The following RDM1 variants were observed in gnomAD, a reference collection of about 807,000 sequenced individuals.
The protein encoded by RDM1 is RAD52 motif containing 1.
Under a neutral mutation model 27.7 loss-of-function variants are expected in RDM1, and 28 were observed. The ratio of observed to expected loss-of-function variants is 1.01; its 90% CI spans 0.75 to 1.39. The LOEUF (loss-of-function observed/expected upper bound fraction) is 1.39, where lower values mean the gene tolerates loss of function less well. Ranked by LOEUF, RDM1 falls within the 40% of genes most tolerant of loss-of-function variation. RDM1 has a pLI of 0.00. For missense variants in RDM1, 277 were observed against 337.3 expected (o/e 0.82, Z 1.40); for synonymous variants, 124 against 127.5 (o/e 0.97, Z 0.19).
At chr17:35,926,130 CAAAA>C (rs200784841) in intron 2 of RDM1, among the ~76,000 whole-genome samples, 4 of 104,060 alleles carry the variant, frequency 3.8e-5, no homozygotes, top group South Asian at 2.7e-4. Flanking sequence ...GAGACTGTCT[CAAAA>C]AAAAAAAAAA....
At chr17:35,922,130 C>G (rs2141930880) in intron 5 of RDM1, 1 of 153,432 alleles carries the variant, frequency 6.5e-6, no homozygotes, top group East Asian at 1.9e-4. Context: ...ATCGTGTTAG[C>G]CAGGATGGTC....
chr17:35,919,676 C>A (rs78338352), intron 6 of RDM1, among the ~76,000 whole-genome samples: 2,590 of 152,140 alleles, frequency 0.017, 73 homozygotes, highest in African/African-American at 0.058. Context: ...TATTGTTGAC[C>A]GAAACATCAT....
intron 2 of RDM1, among the ~76,000 whole-genome samples, chr17:35,926,792 T>C (rs543496992): frequency 4.5e-4 from 68 of 152,346 alleles, no homozygotes; most frequent in Non-Finnish European, 8.7e-4. Flanking sequence ...CCATAGCTTA[T>C]TCTTTTTTCA....
chr17:35,919,221 C>A (rs571057117), intron 6 of RDM1, among the ~76,000 whole-genome samples: 57 of 151,282 alleles, frequency 3.8e-4, no homozygotes, highest in African/African-American at 1.3e-3. Flanking sequence ...TGAAAAAAAA[C>A]ACTTTTGCTA....
At chr17:35,926,285 A>C (rs1329210258) in intron 2 of RDM1, among the ~76,000 whole-genome samples, 3 of 152,230 alleles carry the variant, frequency 2.0e-5, no homozygotes, top group Admixed American at 2.0e-4. Flanking sequence ...GATTTCTTAC[A>C]TCACAAGTTT....
In RDM1 at chr17:35,920,184, T is replaced by C; in HGVS notation, c.753+3A>G. 6.6e-7 allele frequency: 1 copy of C among 1,509,942 alleles called. No homozygotes were observed. Among genetic ancestry groups the C allele is most frequent in the Non-Finnish European group, 9.2e-7 (1 of 1,092,596 alleles). 93.5% of individuals were successfully genotyped at this position (1,509,942 alleles called of 1,614,324 possible). On this transcript the variant is annotated splice_donor_region_variant and intron_variant, in intron 6 of 6. Coordinates refer to ENST00000620284, the MANE Select transcript of RDM1 (RefSeq NM_145654.4). The stretch of plus-strand genomic sequence containing the variant: ...TTACCCCTGAGTTTTTATCTTCACA[T>C]ACTTGAATTAAACCGTGTAGTTCTT...
chr17:35,927,115 C>CAAAAAAAAAAAA (rs955692533), intron 2 of RDM1, among the ~76,000 whole-genome samples: 1 of 75,474 alleles, frequency 1.3e-5, no homozygotes, highest in Non-Finnish European at 2.6e-5. Flanking sequence ...TTCATTTCAC[C>CAAAAAAAAAAAA]AAAAAAAAAA....
At position 35,920,177 on chromosome 17, in the gene RDM1, C is replaced by T; in HGVS notation, c.753+10G>A. On this transcript the variant is annotated intron_variant, in intron 6 of 6. Transcript: ENST00000620284. ...GGCTATGTTACCCCTGAGTTTTTAT[C>T]TTCACATACTTGAATTAAACCGTGT... 6.9e-7 allele frequency: 1 copy of T among 1,459,630 alleles called. No individual in the cohort carries two copies. The highest frequency in any genetic ancestry group is 9.5e-7 in the Non-Finnish European group (1 of 1,052,002). The allele number at this position is 1,459,630 out of a possible 1,614,324, so 90.4% of individuals were successfully genotyped here.
rs1207322926 is a variant in RDM1, at chr17:35,920,390, G to C, written c.668-118C>G. The stretch of plus-strand genomic sequence containing the variant: ...TGGTTTCTAAAAGCAGAAAATAAGA[G>C]CATTTTCCTGGAAGTTTCCTTATCT... On this transcript the variant is annotated intron_variant, in intron 5 of 6. Transcript: ENST00000620284. The C allele has an allele frequency of 6.8e-6, 3 of 442,424 alleles. No individual in the cohort carries two copies. The Admixed American group carries it at 1.2e-4, about 18-fold the overall frequency. The allele number at this position is 442,424 out of a possible 1,614,324, so 27.4% of individuals were successfully genotyped here.
intron 2 of RDM1, among the ~76,000 whole-genome samples, chr17:35,928,388 GTGA>G (rs2089220969): frequency 6.6e-6 from 1 of 152,272 alleles, no homozygotes; most frequent in South Asian, 2.1e-4. Flanking sequence ...TGATGATGAT[GTGA>G]TGATGATGAT....
At position 35,920,231 on chromosome 17, in the gene RDM1, T is replaced by C; in HGVS notation, c.709A>G (p.Ile237Val). ...TCTTCTTCGCATCTGACACCTACGA[T>C]GTCTTCACTGGGTCTGTACTCCACA... ...IAVEYRPSED[I>V]VGVRCEEELH... The change falls in exon 6 of 7, where the codon ATC (isoleucine) becomes GTC (valine). Residue 237 changes from isoleucine (I) to valine (V), a missense_variant. Physicochemically the swap from Ile to Val is conservative, Grantham distance 29. Coordinates refer to ENST00000620284, the MANE Select transcript of RDM1 (RefSeq NM_145654.4). 1 of 1,604,436 alleles carries C rather than the reference T, an allele frequency of 6.2e-7. No homozygotes were observed. The highest frequency in any genetic ancestry group is 8.5e-7 in the Non-Finnish European group (1 of 1,173,150).
chr17:35,930,711 G>T lies in RDM1; in HGVS notation c.17C>A (p.Pro6His), dbSNP rs757301419. Residue 6 changes from proline (P) to histidine (H), a missense_variant, in exon 1 of 7, where the codon CCT (proline) becomes CAT (histidine). Pro to His is a moderately conservative substitution (Grantham distance 77). Coordinates refer to ENST00000620284, the MANE Select transcript of RDM1 (RefSeq NM_145654.4). MAELV[P>H]FAVPIESDKT... ...GTCACTCTCGATGGGAACCGCAAAAGGTACCAACTCCGCCATCCTCCCTTC... is the reference window on the plus strand; with the variant it reads ...GTCACTCTCGATGGGAACCGCAAAATGTACCAACTCCGCCATCCTCCCTTC... 5 of 1,613,802 alleles carry T rather than the reference G, an allele frequency of 3.1e-6. No individual in the cohort carries two copies. The African/African-American group carries it at 4.0e-5, about 13-fold the overall frequency.
At chr17:35,919,077 G>T (rs1277588105) in intron 6 of RDM1, among the ~76,000 whole-genome samples, 1 of 152,180 alleles carries the variant, frequency 6.6e-6, no homozygotes, top group Middle Eastern at 3.2e-3. Flanking sequence ...CTTAAAGCTT[G>T]AAGTTTCCTT....
intron 2 of RDM1, among the ~76,000 whole-genome samples, chr17:35,928,164 G>C (rs1041168746): frequency 6.6e-6 from 1 of 152,198 alleles, no homozygotes; most frequent in South Asian, 2.1e-4. Context: ...GTCAGATCAA[G>C]TAGCCAATCA....
At position 35,930,128 on chromosome 17, in the gene RDM1, C is replaced by T. The variant is rs1490584262; in HGVS notation, c.224G>A (p.Arg75Lys). The T allele has an allele frequency of 1.9e-6, 3 of 1,614,030 alleles. No homozygotes were observed. Among genetic ancestry groups the T allele is most frequent in the Admixed American group, 1.7e-5 (1 of 59,994 alleles). ...CTTCCGGTCGCATGCCTTTTGGGCT[C>T]TGTGGGCAGCCCTTGCAGAATAAAA... is the stretch of plus-strand genomic sequence containing the variant. ...IKFYSARAAH[R>K]AQKACDRKQL... The change falls in exon 2 of 7, where the codon AGA (arginine) becomes AAA (lysine). Residue 75 changes from arginine to lysine, a missense_variant. By Grantham distance (26) the Arg-to-Lys change is conservative. Coordinates refer to ENST00000620284, the MANE Select transcript of RDM1 (RefSeq NM_145654.4).
At chr17:35,930,602 A>ATCCC in intron 1 of RDM1, 30 bp downstream of exon 1, 1 of 1,597,202 alleles carries the variant, frequency 6.3e-7, no homozygotes, top group Non-Finnish European at 8.5e-7. Flanking sequence ...AGCTTTCTCC[A>ATCCC]TCCCTCCCTC....
At chr17:35,929,681 A>T (rs1390678308) in intron 2 of RDM1, among the ~76,000 whole-genome samples, 1 of 152,190 alleles carries the variant, frequency 6.6e-6, no homozygotes, top group Non-Finnish European at 1.5e-5. Flanking sequence ...GCCTCAAGTG[A>T]TCAGCCCGCC....
At position 35,920,200 on chromosome 17, in the gene RDM1, TG is replaced by T. The variant is rs1390676126; in HGVS notation, c.739del (p.His247ThrfsTer3). 1 of 1,573,344 alleles carries T rather than the reference TG, an allele frequency of 6.4e-7. No individual in the cohort carries two copies. Among genetic ancestry groups the T allele is most frequent in the African/African-American group, 1.4e-5 (1 of 73,964 alleles). ...IVGVRCEEEL[H>X]GLIQVPCSPW... ...ATCTTCACATACTTGAATTAAACCGTGTAGTTCTTCTTCGCATCTGACACCT... is the reference window on the plus strand; with the variant it reads ...ATCTTCACATACTTGAATTAAACCGTTAGTTCTTCTTCGCATCTGACACCT... On this transcript the variant is annotated frameshift_variant, in exon 6 of 7. Transcript: ENST00000620284. LOFTEE classifies it low-confidence loss of function (END_TRUNC).
intron 2 of RDM1, among the ~76,000 whole-genome samples, chr17:35,927,115 C>CAAAAA (rs955692533): frequency 1.3e-5 from 1 of 75,488 alleles, no homozygotes; most frequent in Middle Eastern, 7.7e-3. Flanking sequence ...TTCATTTCAC[C>CAAAAA]AAAAAAAAAA....
Sources: gnomAD v4.1 joint callset for allele counts (sites outside exome capture counted in the v4.1 genomes callset) on GRCh38, gnomAD v4.1.1 for gene constraint, MANE v1.5 for transcripts, NCBI Gene and HGNC (gene_info 2026-07-23, HGNC 2026-07-21) for gene names.